Variants in ENTREP2 observed in about 807,000 individuals in gnomAD.
The protein encoded by ENTREP2 is protein ENTREP2.
the ENTREP2 span, among the ~76,000 whole-genome samples, chr15:29,601,223 C>A: frequency 6.6e-6 from 1 of 151,632 alleles, no homozygotes; most frequent in Non-Finnish European, 1.5e-5. Flanking sequence ...CGTTCTAATG[C>A]TTGTAAAAAC....
chr15:29,480,419 T>G, the ENTREP2 span, among the ~76,000 whole-genome samples: 1 of 147,314 alleles, frequency 6.8e-6, no homozygotes, highest in Admixed American at 6.8e-5. Context: ...AGGAGATAGC[T>G]TCCCTCTGGC....
At chr15:29,165,781 C>T in the ENTREP2 span, among the ~76,000 whole-genome samples, 1 of 152,090 alleles carries the variant, frequency 6.6e-6, no homozygotes, top group African/African-American at 2.4e-5. Context: ...CACTATTCCA[C>T]AAGATAAGAG....
chr15:29,608,027 G>C, the ENTREP2 span, among the ~76,000 whole-genome samples: 1 of 152,178 alleles, frequency 6.6e-6, no homozygotes, highest in African/African-American at 2.4e-5. Flanking sequence ...ATGGAAGAAA[G>C]ATGTAGGCTG....
chr15:29,278,219 A>C, the ENTREP2 span, among the ~76,000 whole-genome samples: 1 of 151,898 alleles, frequency 6.6e-6, no homozygotes, highest in African/African-American at 2.4e-5. Context: ...CAAGATCTGC[A>C]GAAGAGATCC....
At chr15:29,668,143 G>A in the ENTREP2 span, among the ~76,000 whole-genome samples, 2 of 152,154 alleles carry the variant, frequency 1.3e-5, no homozygotes, top group African/African-American at 4.8e-5. Context: ...AAAGGGTGTC[G>A]TTGATTAAAG....
the ENTREP2 span, among the ~76,000 whole-genome samples, chr15:29,405,719 T>C: frequency 6.6e-6 from 1 of 152,240 alleles, no homozygotes; most frequent in Admixed American, 6.5e-5. Context: ...TTGTTTCATC[T>C]GCACAGTGCC....
chr15:29,189,787 G>A, the ENTREP2 span, among the ~76,000 whole-genome samples: 6 of 152,152 alleles, frequency 3.9e-5, no homozygotes, highest in African/African-American at 1.2e-4. Flanking sequence ...ACAGTCTTGC[G>A]CTGGGTTTGA....
the ENTREP2 span, among the ~76,000 whole-genome samples, chr15:29,590,349 G>T: frequency 6.6e-6 from 1 of 152,100 alleles, no homozygotes; most frequent in Non-Finnish European, 1.5e-5. Flanking sequence ...TTGTAAGTAA[G>T]AGTTCACGTC....
At chr15:29,617,484 C>A in the ENTREP2 span, among the ~76,000 whole-genome samples, 178 of 152,328 alleles carry the variant, frequency 1.2e-3, no homozygotes, top group African/African-American at 3.9e-3. Flanking sequence ...AAAGACTGCT[C>A]TACAGGCCAT....
chr15:29,570,900 G>C, the ENTREP2 span, among the ~76,000 whole-genome samples: 1 of 144,784 alleles, frequency 6.9e-6, no homozygotes, highest in African/African-American at 2.5e-5. Context: ...GGAGCCGGGC[G>C]CCCGCAGCCC....
chr15:29,269,823 G>C, the ENTREP2 span: 1 of 989,208 alleles, frequency 1.0e-6, no homozygotes, highest in Admixed American at 4.1e-5. Context: ...GGCTGAGACT[G>C]CGTGCTGCGT....
chr15:29,356,018 C>T, the ENTREP2 span, among the ~76,000 whole-genome samples: 2 of 151,936 alleles, frequency 1.3e-5, no homozygotes, highest in Non-Finnish European at 2.9e-5. Context: ...GGGAGTATCA[C>T]TTACCTACGA....
the ENTREP2 span, among the ~76,000 whole-genome samples, chr15:29,490,045 T>C: frequency 6.6e-6 from 1 of 152,196 alleles, no homozygotes; most frequent in Non-Finnish European, 1.5e-5. Flanking sequence ...GAAAATGAAT[T>C]ATATAGTCAA....
At chr15:29,481,390 C>T in the ENTREP2 span, among the ~76,000 whole-genome samples, 2 of 152,080 alleles carry the variant, frequency 1.3e-5, no homozygotes, top group African/African-American at 4.8e-5. Context: ...GTAGTAAGGC[C>T]CTCAGGGACC....
chr15:29,151,070 T>A, the ENTREP2 span, among the ~76,000 whole-genome samples: 1 of 152,332 alleles, frequency 6.6e-6, no homozygotes, highest in East Asian at 1.9e-4. Flanking sequence ...TTCTGATCAG[T>A]AGGCTGTGTT....
the ENTREP2 span, among the ~76,000 whole-genome samples, chr15:29,345,791 C>T: frequency 1.3e-4 from 20 of 152,198 alleles, no homozygotes; most frequent in Admixed American, 2.6e-4. Context: ...AAAGAGGAGA[C>T]CAAGGACTTG....
the ENTREP2 span, among the ~76,000 whole-genome samples, chr15:29,452,296 G>A: frequency 6.6e-6 from 1 of 152,156 alleles, no homozygotes; most frequent in African/African-American, 2.4e-5. Flanking sequence ...AGGCAAGAGG[G>A]GAAGTGGATA....
the ENTREP2 span, among the ~76,000 whole-genome samples, chr15:29,494,115 A>G: frequency 6.7e-3 from 1,017 of 152,326 alleles, 12 homozygotes; most frequent in Non-Finnish European, 0.011. Flanking sequence ...AGACAATATT[A>G]TCATTCTTTA....
chr15:29,293,447 A>T, the ENTREP2 span, among the ~76,000 whole-genome samples: 65 of 151,136 alleles, frequency 4.3e-4, 1 homozygote, highest in Admixed American at 1.2e-3. Context: ...TAGTAGAGAC[A>T]GGGTTTCACC....
Sources: allele counts gnomAD v4.1 joint callset (sites outside exome capture counted in the v4.1 genomes callset), GRCh38; gene constraint gnomAD v4.1.1; transcripts MANE v1.5; gene names NCBI Gene and HGNC (gene_info 2026-07-23, HGNC 2026-07-21).